CRYBA4: variants seen among roughly 807,000 people sequenced by gnomAD.
The protein encoded by CRYBA4 is beta-crystallin A4.
Under a neutral mutation model 31.7 loss-of-function variants are expected in CRYBA4, and 30 were observed. The observed-to-expected ratio is 0.95, with a 90% confidence interval of 0.71 to 1.28. The LOEUF (loss-of-function observed/expected upper bound fraction) is 1.28, where lower values mean the gene tolerates loss of function less well. CRYBA4 is among the 50% of genes most tolerant of loss of function. The probability of loss-of-function intolerance (pLI) is 0.00; values close to 1 mark genes in which losing one functional copy is unlikely to be tolerated. For synonymous variants in CRYBA4, 102 were observed against 102.3 expected, an observed-to-expected ratio of 1.00 and a Z score of 0.02; for missense variants, 225 against 260.7, an observed-to-expected ratio of 0.86 and a Z score of 0.94.
the CRYBA4 span, among the ~76,000 whole-genome samples, chr22:26,616,748 A>G: frequency 1.3e-5 from 2 of 152,192 alleles, no homozygotes; most frequent in African/African-American, 4.8e-5. Flanking sequence ...GACATACATT[A>G]ATTAACCCAT....
At chr22:26,628,934 G>T (rs933656184) in intron 5 of CRYBA4, among the ~76,000 whole-genome samples, 3 of 152,184 alleles carry the variant, frequency 2.0e-5, no homozygotes, top group Non-Finnish European at 1.5e-5. Flanking sequence ...GTTCTGATTG[G>T]CTAGGTTTGG....
intron 2 of CRYBA4, 95 bp from the exon 3 acceptor site, chr22:26,623,139 C>T: frequency 3.8e-6 from 4 of 1,048,646 alleles, no homozygotes; most frequent in South Asian, 1.3e-5. Flanking sequence ...TTTGCAATCC[C>T]TGCTTTACCT....
chr22:26,606,045 A>G, the CRYBA4 span, among the ~76,000 whole-genome samples: 3 of 152,228 alleles, frequency 2.0e-5, no homozygotes, highest in African/African-American at 7.2e-5. Flanking sequence ...CTCATCCGCT[A>G]TCGTTAGTGA....
chr22:26,621,985 C>CG lies in CRYBA4; in HGVS notation c.-13+1dup. ...TCTGACATGTTCCCTGGGCCTATCT[C>CG]GGTAAGTCCCAGGTTTGGAGGAGGG... On this transcript the variant is annotated splice_region_variant and 5_prime_UTR_variant, in exon 1 of 6. Coordinates refer to ENST00000354760, the MANE Select transcript of CRYBA4 (RefSeq NM_001886.3). 1 of 986,282 alleles carries CG rather than the reference C, an allele frequency of 1.0e-6. No individual in the cohort carries two copies. The highest frequency in any genetic ancestry group is 1.2e-6 in the Non-Finnish European group (1 of 830,292). The allele number at this position is 986,282 out of a possible 1,614,324, so 61.1% of individuals were successfully genotyped here. A position where few individuals can be genotyped will look rare whatever the true frequency, so the allele number is the denominator to read the frequency against.
chr22:26,607,923 C>G, the CRYBA4 span: 5 of 1,614,234 alleles, frequency 3.1e-6, no homozygotes, highest in Non-Finnish European at 4.2e-6. Context: ...GAGCCGATCA[C>G]TGCGGTAGCT....
chr22:26,627,416 CTTTCTTTCTTT>C (rs1569211757), intron 4 of CRYBA4, among the ~76,000 whole-genome samples: 8 of 78,314 alleles, frequency 1.0e-4, no homozygotes, highest in Non-Finnish European at 1.7e-4. Flanking sequence ...TTCTTTCTTT[CTTTCTTTCTTT>C]TTCTTTCTTT....
chr22:26,619,694 T>A (rs963262825), upstream of CRYBA4, among the ~76,000 whole-genome samples: 2 of 152,168 alleles, frequency 1.3e-5, no homozygotes, highest in Admixed American at 6.5e-5. Flanking sequence ...GGCCAAGACT[T>A]GGTGGGTGGG....
intron 2 of CRYBA4, 132 bp from the exon 3 acceptor site, chr22:26,623,102 C>T: frequency 5.0e-6 from 4 of 794,862 alleles, no homozygotes; most frequent in Non-Finnish European, 6.6e-6. Context: ...ACTGCTCTTG[C>T]CTTCCTGGCT....
chr22:26,599,056 C>T, the CRYBA4 span, among the ~76,000 whole-genome samples: 1 of 152,308 alleles, frequency 6.6e-6, no homozygotes, highest in African/African-American at 2.4e-5. Flanking sequence ...TACTTGTCCT[C>T]CACCCCAACA....
upstream of CRYBA4, among the ~76,000 whole-genome samples, chr22:26,620,463 A>C (rs1413604571): frequency 2.0e-5 from 3 of 151,720 alleles, no homozygotes; most frequent in East Asian, 3.9e-4. Context: ...CCCAGCCAGC[A>C]CCAGTGGGAT....
the CRYBA4 span, chr22:26,601,933 A>T: frequency 6.2e-7 from 1 of 1,613,082 alleles, no homozygotes; most frequent in Non-Finnish European, 8.5e-7. Flanking sequence ...GTAGACCCAG[A>T]GACTGGGTGC....
the CRYBA4 span, chr22:26,599,754 CCTT>C: frequency 9.3e-7 from 1 of 1,074,146 alleles, no homozygotes; most frequent in Admixed American, 1.8e-5. Context: ...ACCAGCCTGT[CCTT>C]CATTGATCCC....
chr22:26,616,410 T>C, the CRYBA4 span: 2 of 1,025,166 alleles, frequency 2.0e-6, no homozygotes, highest in Non-Finnish European at 3.0e-6. Flanking sequence ...CCACATCCTG[T>C]GCTTTCAGCC....
At chr22:26,599,384 C>G in the CRYBA4 span, 1 of 1,119,372 alleles carries the variant, frequency 8.9e-7, no homozygotes, top group Non-Finnish European at 1.3e-6. Flanking sequence ...GTTTACAGAT[C>G]CAGGAGAAAT....
At chr22:26,597,392 C>T in the CRYBA4 span, among the ~76,000 whole-genome samples, 72 of 152,322 alleles carry the variant, frequency 4.7e-4, no homozygotes, top group Admixed American at 1.0e-3. Context: ...ACATGGTAGA[C>T]GTCCCAGATT....
rs752956477 is a variant in CRYBA4 at position 26,623,290 on chromosome 22, G to A, written c.96G>A (p.Glu32=). Residue 32 remains glutamate (E), a synonymous_variant, in exon 3 of 6, where the codon GAG becomes GAA. Transcript: ENST00000354760. ...GCCGGCGGCACGAGTTCACGGCCGA[G>A]TGCCCCAGCGTGCTGGAGCTTGGCT... The part of the protein sequence containing the change: ...FQGRRHEFTA[E]CPSVLELGFE... 11 of 1,613,950 alleles carry A rather than the reference G, an allele frequency of 6.8e-6. No homozygotes were observed. The highest frequency in any genetic ancestry group is 1.3e-5 in the African/African-American group (1 of 74,920).
the CRYBA4 span, among the ~76,000 whole-genome samples, chr22:26,608,270 T>C: frequency 1.3e-5 from 2 of 152,110 alleles, no homozygotes; most frequent in Non-Finnish European, 2.9e-5. Context: ...TTCCTTGGAG[T>C]TGGTGAAGGA....
the CRYBA4 span, among the ~76,000 whole-genome samples, chr22:26,596,462 T>C: frequency 8.5e-5 from 13 of 152,222 alleles, no homozygotes; most frequent in Non-Finnish European, 1.3e-4. Flanking sequence ...ATAGGACTTA[T>C]CAGATTGATA....
chr22:26,627,413 T>TTTCC (rs1312663969), intron 4 of CRYBA4, among the ~76,000 whole-genome samples: 1 of 93,428 alleles, frequency 1.1e-5, no homozygotes, highest in Non-Finnish European at 1.9e-5. Context: ...TCTTTCTTTC[T>TTTCC]TTCTTTCTTT....
Sources: gnomAD v4.1 joint callset for allele counts (sites outside exome capture counted in the v4.1 genomes callset) on GRCh38, gnomAD v4.1.1 for gene constraint, MANE v1.5 for transcripts, NCBI Gene and HGNC (gene_info 2026-07-23, HGNC 2026-07-21) for gene names.